KLHL32: variants seen among roughly 807,000 people sequenced by gnomAD.
KLHL32 encodes kelch-like protein 32.
KLHL32 carries 35 observed loss-of-function variants against 64.8 expected under a neutral mutation model. The observed-to-expected ratio is 0.54, with a 90% confidence interval of 0.41 to 0.72. The LOEUF is 0.72. Among genes scored for constraint, KLHL32 ranks in the 30% least tolerant of loss-of-function variants. The pLI, the probability that KLHL32 is intolerant of heterozygous loss-of-function variation, is 0.00. For synonymous variants in KLHL32, 259 were observed against 281.0 expected (o/e 0.92, Z 0.78); for missense variants, 589 against 768.5 (o/e 0.77, Z 2.76).
At chr6:96,933,603 G>C (rs1403874897) in intron 1 of KLHL32, among the ~76,000 whole-genome samples, 1 of 152,168 alleles carries the variant, frequency 6.6e-6, no homozygotes, top group Non-Finnish European at 1.5e-5. Flanking sequence ...GAGCCTCATG[G>C]TTGACCTCAG....
chr6:96,974,070 A>G (rs749218931), intron 2 of KLHL32, among the ~76,000 whole-genome samples: 3 of 151,626 alleles, frequency 2.0e-5, no homozygotes, highest in Non-Finnish European at 4.4e-5. Flanking sequence ...ACATTGTTAT[A>G]TTCTTGGTGA....
chr6:96,953,985 T>C (rs1397029381), intron 1 of KLHL32, among the ~76,000 whole-genome samples: 3 of 152,286 alleles, frequency 2.0e-5, no homozygotes, highest in African/African-American at 7.2e-5. Context: ...TCTCTGGATC[T>C]TTCTGAACTC....
chr6:97,046,833 AG>A (rs1786003371), intron 4 of KLHL32, among the ~76,000 whole-genome samples: 1 of 152,248 alleles, frequency 6.6e-6, no homozygotes, highest in East Asian at 1.9e-4. Flanking sequence ...ATTTAGTATT[AG>A]GGACATTCAC....
chr6:97,072,976 C>T (rs1216716005), intron 5 of KLHL32, among the ~76,000 whole-genome samples: 1 of 152,172 alleles, frequency 6.6e-6, no homozygotes, highest in Non-Finnish European at 1.5e-5. Context: ...ATCCTATATA[C>T]AGTCTACCTT....
chr6:97,114,126 C>A lies in KLHL32; in HGVS notation c.971C>A (p.Ala324Asp), dbSNP rs751036334. 7 of 1,614,072 alleles carry A rather than the reference C, an allele frequency of 4.3e-6. No individual in the cohort carries two copies. In the African/African-American group the frequency reaches 6.7e-5, roughly 15 times the overall value. Residue 324 changes from alanine (A) to aspartate (D), a missense_variant, in exon 7 of 11, where the codon GCC becomes GAC. Coordinates refer to ENST00000369261, the MANE Select transcript of KLHL32 (RefSeq NM_052904.4). ...GAGAATGCTCTCATAGCTGCCATTGCCAACTGGAGTGAGCTGGCTCCCATG... is the reference window on the plus strand; with the variant it reads ...GAGAATGCTCTCATAGCTGCCATTGACAACTGGAGTGAGCTGGCTCCCATG... The part of the protein sequence containing the change: ...DQENALIAAI[A>D]NWSELAPMPV...
chr6:96,950,571 T>TGTATG (rs1328985655), intron 1 of KLHL32, among the ~76,000 whole-genome samples: 2 of 151,894 alleles, frequency 1.3e-5, no homozygotes, highest in Non-Finnish European at 2.9e-5. Context: ...GCATTCCTGG[T>TGTATG]GTATGGTAAG....
intron 1 of KLHL32, among the ~76,000 whole-genome samples, chr6:96,958,626 C>T (rs959312900): frequency 3.3e-5 from 5 of 152,052 alleles, no homozygotes; most frequent in Non-Finnish European, 7.4e-5. Flanking sequence ...GGCAGTGAGA[C>T]GATCAAGTGG....
intron 1 of KLHL32, among the ~76,000 whole-genome samples, chr6:96,943,364 A>C (rs1771556605): frequency 6.7e-6 from 1 of 150,164 alleles, no homozygotes; most frequent in Admixed American, 6.7e-5. Context: ...TATGATATTT[A>C]CTTCTATTTC....
At chr6:97,038,150 A>G (rs773566781) in intron 3 of KLHL32, among the ~76,000 whole-genome samples, 6 of 152,190 alleles carry the variant, frequency 3.9e-5, no homozygotes, top group Non-Finnish European at 5.9e-5. Flanking sequence ...AACACAGGCA[A>G]CTAAAGCAAA....
chr6:97,069,204 G>A (rs927516159), intron 5 of KLHL32, among the ~76,000 whole-genome samples: 9 of 152,128 alleles, frequency 5.9e-5, no homozygotes, highest in African/African-American at 2.2e-4. Flanking sequence ...AAGGGAACAG[G>A]AGGGAGAAAG....
At chr6:97,106,852 C>G (rs1796481433) in intron 6 of KLHL32, among the ~76,000 whole-genome samples, 1 of 152,064 alleles carries the variant, frequency 6.6e-6, no homozygotes, top group African/African-American at 2.4e-5. Context: ...TAATTACAAA[C>G]TCTTTACTTG....
chr6:97,070,955 G>A (rs1790622223), intron 5 of KLHL32, among the ~76,000 whole-genome samples: 1 of 152,110 alleles, frequency 6.6e-6, no homozygotes, highest in South Asian at 2.1e-4. Flanking sequence ...ATGGTGAAAT[G>A]TCTCTCCTCT....
intron 4 of KLHL32, among the ~76,000 whole-genome samples, chr6:97,052,962 T>C (rs1456754560): frequency 6.6e-6 from 1 of 152,182 alleles, no homozygotes; most frequent in African/African-American, 2.4e-5. Flanking sequence ...CTGGAGAATC[T>C]AGAAATCTCC....
chr6:97,031,511 T>C (rs1056763665), intron 3 of KLHL32, among the ~76,000 whole-genome samples: 1 of 151,972 alleles, frequency 6.6e-6, no homozygotes, highest in Non-Finnish European at 1.5e-5. Flanking sequence ...AATTTTTTTT[T>C]ATTGTTTGTA....
intron 6 of KLHL32, among the ~76,000 whole-genome samples, chr6:97,094,627 T>G (rs1444735563): frequency 6.6e-6 from 1 of 152,248 alleles, no homozygotes; most frequent in Non-Finnish European, 1.5e-5. Flanking sequence ...TGCAAACCTA[T>G]TTTGATATTC....
intron 2 of KLHL32, among the ~76,000 whole-genome samples, chr6:96,967,878 G>A (rs1774642133): frequency 6.6e-6 from 1 of 152,146 alleles, no homozygotes; most frequent in Admixed American, 6.6e-5. Context: ...GAAGGAGCTT[G>A]GCACATTCCA....
chr6:96,904,769 G>A, the KLHL32 span, among the ~76,000 whole-genome samples: 2 of 152,164 alleles, frequency 1.3e-5, no homozygotes, highest in Admixed American at 1.3e-4. Flanking sequence ...GTATGGTATT[G>A]TTACAGGAAT....
intron 1 of KLHL32, among the ~76,000 whole-genome samples, chr6:96,943,509 T>A (rs1165825346): frequency 6.6e-6 from 1 of 152,200 alleles, no homozygotes; most frequent in Non-Finnish European, 1.5e-5. Flanking sequence ...CAGCTGTAAA[T>A]CCCACAAACT....
At chr6:97,004,980 A>T (rs1465529192) in intron 3 of KLHL32, among the ~76,000 whole-genome samples, 1 of 151,666 alleles carries the variant, frequency 6.6e-6, no homozygotes, top group East Asian at 1.9e-4. Context: ...TGGTATCAGG[A>T]TGATGCTGCT....
Sources: allele counts gnomAD v4.1 joint callset (sites outside exome capture counted in the v4.1 genomes callset), GRCh38; gene constraint gnomAD v4.1.1; transcripts MANE v1.5; gene names NCBI Gene and HGNC (gene_info 2026-07-23, HGNC 2026-07-21).